The following WDR49 variants were observed in gnomAD, a reference collection of about 807,000 sequenced individuals.
WDR49 encodes the protein cilia- and flagella-associated protein 337.
In WDR49, 107 loss-of-function variants were observed where a neutral mutation model predicts 119.5. The observed-to-expected ratio is 0.90, with a 90% confidence interval of 0.77 to 1.05. The LOEUF is 1.05. Among genes scored for constraint, WDR49 ranks in the 50% least tolerant of loss-of-function variants. WDR49 has a pLI of 0.00. For missense variants in WDR49, 1,240 were observed against 1,220.5 expected, an observed-to-expected ratio of 1.02 and a Z score of -0.24; for synonymous variants, 425 against 418.8, an observed-to-expected ratio of 1.01 and a Z score of -0.18.
chr3:167,580,163 C>A (rs1321756053), intron 7 of WDR49, among the ~76,000 whole-genome samples: 1 of 152,080 alleles, frequency 6.6e-6, no homozygotes, highest in East Asian at 1.9e-4. Flanking sequence ...AGAATGTGCA[C>A]ATTTGTTAAT....
At chr3:167,487,864 CAA>C (rs1750984093) in intron 18 of WDR49, among the ~76,000 whole-genome samples, 1 of 151,686 alleles carries the variant, frequency 6.6e-6, no homozygotes, top group Non-Finnish European at 1.5e-5. Context: ...ATTATTAAGT[CAA>C]AAAACAACAG....
chr3:167,610,500 T>G (rs1716289865), intron 5 of WDR49, among the ~76,000 whole-genome samples: 3 of 152,220 alleles, frequency 2.0e-5, no homozygotes, highest in Admixed American at 1.3e-4. Flanking sequence ...TCTTGTTGTT[T>G]GAGTGCCAGC....
intron 10 of WDR49, among the ~76,000 whole-genome samples, chr3:167,539,445 C>T (rs1226501028): frequency 6.6e-6 from 1 of 152,112 alleles, no homozygotes; most frequent in Non-Finnish European, 1.5e-5. Context: ...TAAGGCCCAT[C>T]TTATTCAGGT....
At chr3:167,490,040 A>G (rs1751071973) in intron 18 of WDR49, among the ~76,000 whole-genome samples, 1 of 152,094 alleles carries the variant, frequency 6.6e-6, no homozygotes, top group African/African-American at 2.4e-5. Flanking sequence ...TCCACTGCCC[A>G]CATCTTGAGG....
At position 167,591,933 on chromosome 3, in the gene WDR49, G is replaced by A. The variant is rs553706110; in HGVS notation, c.1275+10194C>T. ...AGTAAAGACTTACTTCTGCCATTTT[G>A]TTATTTGTTTTCTGGTTGTCTTCTG... On this transcript the variant is annotated intron_variant, in intron 7 of 18. Coordinates refer to ENST00000682715, the MANE Select transcript of WDR49 (RefSeq NM_001366157.1). 1.9e-3 allele frequency among the ~76,000 whole-genome samples: 295 copies of A among 151,960 alleles called. 8 individuals carry two copies. The highest frequency in any genetic ancestry group is 2.3e-3 in the Non-Finnish European group (158 of 67,926).
chr3:167,624,684 G>A (rs1183070181), intron 3 of WDR49, among the ~76,000 whole-genome samples: 1 of 151,976 alleles, frequency 6.6e-6, no homozygotes, highest in Non-Finnish European at 1.5e-5. Context: ...TCTATATTGA[G>A]TAAGCACAAA....
chr3:167,500,005 A>G (rs1751497095), intron 18 of WDR49, 148 bp downstream of exon 18: 1 of 827,862 alleles, frequency 1.2e-6, no homozygotes, highest in East Asian at 3.0e-5. Context: ...CAGCAGCTGA[A>G]CTATAAATCT....
chr3:167,611,893 C>T (rs970633151), intron 5 of WDR49, among the ~76,000 whole-genome samples: 4 of 152,014 alleles, frequency 2.6e-5, no homozygotes, highest in Admixed American at 2.0e-4. Context: ...TAATACCTGG[C>T]GACCTCAACA....
At chr3:167,532,023 A>T in intron 12 of WDR49, among the ~76,000 whole-genome samples, 1 of 152,178 alleles carries the variant, frequency 6.6e-6, no homozygotes, top group South Asian at 2.1e-4. Context: ...GCAAGTTCAG[A>T]TGAATCTTAA....
At chr3:167,587,458 T>C (rs184149774) in intron 7 of WDR49, among the ~76,000 whole-genome samples, 6 of 152,244 alleles carry the variant, frequency 3.9e-5, no homozygotes, top group Non-Finnish European at 7.4e-5. Context: ...ATACCAAGAA[T>C]ACAAGCTGAA....
intron 5 of WDR49, among the ~76,000 whole-genome samples, chr3:167,607,517 A>G (rs1716119886): frequency 6.6e-6 from 1 of 152,124 alleles, no homozygotes; most frequent in African/African-American, 2.4e-5. Flanking sequence ...TTAGTGGGTA[A>G]ATTATTCCAA....
At chr3:167,486,768 A>ACACAATAAT (rs1168615986) in intron 18 of WDR49, among the ~76,000 whole-genome samples, 2 of 152,114 alleles carry the variant, frequency 1.3e-5, no homozygotes, top group Non-Finnish European at 2.9e-5. Flanking sequence ...TTAGACAACC[A>ACACAATAAT]CACAATAATA....
chr3:167,627,193 G>T lies in WDR49; in HGVS notation c.265C>A (p.Leu89Ile). Residue 89 changes from leucine (L) to isoleucine (I), a missense_variant, in exon 3 of 19, where the codon CTC (leucine) becomes ATC (isoleucine). Physicochemically the swap from Leu to Ile is conservative, Grantham distance 5 (BLOSUM62 2). Transcript: ENST00000682715. ...GWGTKEEYGE[L>I]FDKVDVAQDG... is the part of the protein sequence containing the mutation. ...TGGGCCACATCCACTTTGTCAAAGA[G>T]CTCCCCATATTCTTCCTTCGTGCCC... 1.6e-6 allele frequency: 2 copies of T among 1,256,342 alleles called. No homozygotes were observed. Among genetic ancestry groups the T allele is most frequent in the Non-Finnish European group, 2.0e-6 (2 of 1,001,732 alleles). The allele number at this position is 1,256,342 out of a possible 1,614,324, so 77.8% of individuals were successfully genotyped here.
chr3:167,616,713 A>T (rs1716612328), intron 5 of WDR49, among the ~76,000 whole-genome samples: 1 of 152,200 alleles, frequency 6.6e-6, no homozygotes, highest in Non-Finnish European at 1.5e-5. Flanking sequence ...CTACAGATCC[A>T]CAAATCCAAG....
chr3:167,598,583 C>T (rs567600656), intron 7 of WDR49, among the ~76,000 whole-genome samples: 2 of 152,310 alleles, frequency 1.3e-5, no homozygotes, highest in South Asian at 2.1e-4. Flanking sequence ...GAAAGATGTG[C>T]CTTGCTTCCC....
In WDR49 at chr3:167,620,435, T is replaced by C. The variant is rs1404652288; in HGVS notation, c.952A>G (p.Arg318Gly). 7 of 1,535,312 alleles carry C rather than the reference T, an allele frequency of 4.6e-6. No individual in the cohort carries two copies. Among genetic ancestry groups the C allele is most frequent in the Non-Finnish European group, 6.1e-6 (7 of 1,146,230 alleles). ...TACTGTTCAAATTCAATACCTTGCC[T>C]GACCCAATCTCCTTGATGAAGTTTA... ...EHKLHQGDWV[R>G]QVTYNASLDA... Residue 318 changes from arginine (R) to glycine (G), a missense_variant, in exon 5 of 19, where the codon AGG becomes GGG. Transcript: ENST00000682715.
At chr3:167,540,930 A>G (rs1337101183) in intron 10 of WDR49, among the ~76,000 whole-genome samples, 1 of 152,100 alleles carries the variant, frequency 6.6e-6, no homozygotes, top group Non-Finnish European at 1.5e-5. Flanking sequence ...TCAACAATAG[A>G]ATCAAACAAG....
At chr3:167,545,513 A>ATATATATATATATATATATATATATC (rs1712133199) in intron 10 of WDR49, among the ~76,000 whole-genome samples, 1 of 141,440 alleles carries the variant, frequency 7.1e-6, no homozygotes, top group Non-Finnish European at 1.6e-5. Context: ...TATATATTAT[A>ATATATATATATATATATATATATATC]TATATATATA....
chr3:167,518,674 T>C lies in WDR49; in HGVS notation c.2774+3641A>G, dbSNP rs1468105103. On this transcript the variant is annotated intron_variant, in intron 16 of 18. Coordinates refer to ENST00000682715, the MANE Select transcript of WDR49 (RefSeq NM_001366157.1). Reference sequence around the variant, plus strand: ...AGTAGGTTGCAAAAATTTTCTCCCATATTGTAGGTTGCCTGTTCACTCTGA... The same window carrying C: ...AGTAGGTTGCAAAAATTTTCTCCCACATTGTAGGTTGCCTGTTCACTCTGA... Among the ~76,000 whole-genome samples the C allele has an allele frequency of 2.7e-5, 4 of 150,622 alleles. No individual in the cohort carries two copies. The East Asian group carries it at 6.3e-4, about 24-fold the overall frequency.
Sources: gnomAD v4.1 joint callset for allele counts (sites outside exome capture counted in the v4.1 genomes callset) on GRCh38, gnomAD v4.1.1 for gene constraint, MANE v1.5 for transcripts, NCBI Gene and HGNC (gene_info 2026-07-23, HGNC 2026-07-21) for gene names.